CCDC178: variants seen among roughly 807,000 people sequenced by gnomAD.
CCDC178 encodes the protein coiled-coil domain containing 178.
A neutral mutation model predicts 117.4 loss-of-function variants in CCDC178; 126 were observed. The ratio of observed to expected loss-of-function variants is 1.07; its 90% CI spans 0.93 to 1.24. The LOEUF is 1.24. Among genes scored for constraint, CCDC178 ranks in the 50% most tolerant of loss-of-function variants. CCDC178 has a pLI of 0.00. For synonymous variants in CCDC178, 283 were observed against 313.4 expected (o/e 0.90, Z 1.02); for missense variants, 1,030 against 986.9 (o/e 1.04, Z -0.59).
At chr18:33,180,766 A>G (rs1165421983) in intron 20 of CCDC178, among the ~76,000 whole-genome samples, 2 of 152,046 alleles carry the variant, frequency 1.3e-5, no homozygotes, top group African/African-American at 2.4e-5. Flanking sequence ...TGCTTTGCAA[A>G]TTTCCTTTAG....
At chr18:33,218,243 T>C (rs904113902) in intron 18 of CCDC178, among the ~76,000 whole-genome samples, 2 of 152,130 alleles carry the variant, frequency 1.3e-5, no homozygotes, top group African/African-American at 2.4e-5. Flanking sequence ...GCTGCTTAAA[T>C]GTCTTCCTTT....
chr18:33,394,179 T>C (rs2063600311), intron 4 of CCDC178, among the ~76,000 whole-genome samples: 1 of 151,990 alleles, frequency 6.6e-6, no homozygotes, highest in African/African-American at 2.4e-5. Context: ...TATCTTGCAG[T>C]ATAAATTTAC....
intron 20 of CCDC178, among the ~76,000 whole-genome samples, chr18:33,093,426 G>C (rs760557474): frequency 1.3e-5 from 2 of 152,038 alleles, no homozygotes; most frequent in Non-Finnish European, 2.9e-5. Flanking sequence ...ACAAAGAATA[G>C]GGAATGCAAA....
intron 8 of CCDC178, among the ~76,000 whole-genome samples, chr18:33,347,636 G>C (rs1305146436): frequency 1.3e-5 from 2 of 152,000 alleles, no homozygotes; most frequent in African/African-American, 4.8e-5. Flanking sequence ...CAGCCAATTT[G>C]TGATTCATAT....
intron 3 of CCDC178, among the ~76,000 whole-genome samples, chr18:33,398,135 G>A (rs549173095): frequency 9.9e-4 from 150 of 152,122 alleles, no homozygotes; most frequent in African/African-American, 3.3e-3. Flanking sequence ...TTGTAGTGGA[G>A]AGAGGGCCTT....
intron 18 of CCDC178, among the ~76,000 whole-genome samples, 154 bp downstream of exon 18, chr18:33,222,948 CTGTG>C (rs1357616378): frequency 1.3e-5 from 2 of 151,700 alleles, no homozygotes; most frequent in Non-Finnish European, 2.9e-5. Context: ...AACACAAGGA[CTGTG>C]TGTGTGTGAG....
chr18:33,415,987 G>A (rs1453921690), intron 2 of CCDC178, among the ~76,000 whole-genome samples: 2 of 152,162 alleles, frequency 1.3e-5, no homozygotes, highest in Non-Finnish European at 2.9e-5. Flanking sequence ...GAAGAGACCA[G>A]CAACCCAGAA....
chr18:32,946,500 TTTG>T (rs1209214478), intron 22 of CCDC178, among the ~76,000 whole-genome samples: 1 of 152,140 alleles, frequency 6.6e-6, no homozygotes, highest in Non-Finnish European at 1.5e-5. Flanking sequence ...GAATGATCAC[TTTG>T]TTATTTTCTA....
intron 9 of CCDC178, among the ~76,000 whole-genome samples, chr18:33,337,596 G>A: frequency 6.6e-6 from 1 of 151,976 alleles, no homozygotes. Context: ...AGAGAACCCA[G>A]AAATAAGCCA....
chr18:33,039,821 A>C (rs553328096), intron 21 of CCDC178, among the ~76,000 whole-genome samples: 3 of 152,020 alleles, frequency 2.0e-5, no homozygotes, highest in Non-Finnish European at 4.4e-5. Context: ...GTATTTAAAT[A>C]AAATTCTCTT....
intron 20 of CCDC178, among the ~76,000 whole-genome samples, chr18:33,103,486 A>G (rs2057660271): frequency 6.6e-6 from 1 of 151,716 alleles, no homozygotes; most frequent in South Asian, 2.1e-4. Flanking sequence ...AAGCATAAAA[A>G]AACATGGTTA....
chr18:33,125,931 G>A (rs2057999160), intron 20 of CCDC178, among the ~76,000 whole-genome samples: 1 of 152,178 alleles, frequency 6.6e-6, no homozygotes, highest in South Asian at 2.1e-4. Flanking sequence ...TGCTTATACA[G>A]GCCACATTAA....
intron 2 of CCDC178, among the ~76,000 whole-genome samples, chr18:33,439,074 T>A (rs1385421871): frequency 2.0e-5 from 3 of 152,142 alleles, no homozygotes. Context: ...CCAACTGAGG[T>A]CAAGAAGAAT....
intron 20 of CCDC178, among the ~76,000 whole-genome samples, chr18:33,157,298 T>C (rs1356572835): frequency 6.6e-6 from 1 of 152,194 alleles, no homozygotes; most frequent in Non-Finnish European, 1.5e-5. Context: ...CCTCTTAGTT[T>C]CCTAGATACA....
At chr18:33,153,158 CAT>C (rs1568020990) in intron 20 of CCDC178, among the ~76,000 whole-genome samples, 1 of 145,844 alleles carries the variant, frequency 6.9e-6, no homozygotes, top group East Asian at 2.0e-4. Context: ...ATATATATAA[CAT>C]ATATTATATA....
At chr18:33,124,234 C>T (rs1275081420) in intron 20 of CCDC178, among the ~76,000 whole-genome samples, 2 of 152,156 alleles carry the variant, frequency 1.3e-5, no homozygotes, top group Non-Finnish European at 1.5e-5. Context: ...TGCTACTAAC[C>T]TCCAACAAAC....
intron 21 of CCDC178, among the ~76,000 whole-genome samples, chr18:33,023,518 C>T (rs865947164): frequency 6.6e-6 from 1 of 152,130 alleles, no homozygotes. Context: ...GTACATTGAA[C>T]TGAATGAAAA....
At chr18:33,006,767 G>A (rs2055759170) in intron 21 of CCDC178, among the ~76,000 whole-genome samples, 1 of 152,100 alleles carries the variant, frequency 6.6e-6, no homozygotes, top group Non-Finnish European at 1.5e-5. Context: ...GAAGTGCCAT[G>A]TTATGAGAGG....
intron 20 of CCDC178, among the ~76,000 whole-genome samples, chr18:33,123,239 A>C (rs2057961047): frequency 6.6e-6 from 1 of 152,132 alleles, no homozygotes; most frequent in Non-Finnish European, 1.5e-5. Flanking sequence ...TTGGCAGTAA[A>C]ATTCATTCTT....
Sources: gnomAD v4.1 joint callset for allele counts (sites outside exome capture counted in the v4.1 genomes callset) on GRCh38, gnomAD v4.1.1 for gene constraint, MANE v1.5 for transcripts, NCBI Gene and HGNC (gene_info 2026-07-23, HGNC 2026-07-21) for gene names.